Variants in PI15 observed in about 807,000 individuals in gnomAD.
PI15 encodes peptidase inhibitor 15, also known as 25 kDa trypsin inhibitor.
Under a neutral mutation model 31.0 loss-of-function variants are expected in PI15, and 18 were observed. That is an observed-to-expected ratio of 0.58 (90% confidence interval 0.40 to 0.86). The LOEUF (loss-of-function observed/expected upper bound fraction) is 0.86, where lower values mean the gene tolerates loss of function less well. PI15 is among the 40% of genes least tolerant of loss of function. PI15 has a pLI of 0.00. For missense variants in PI15, 282 were observed against 328.1 expected (o/e 0.86, Z 1.09); for synonymous variants, 118 against 119.1 (o/e 0.99, Z 0.06).
At chr8:74,839,680 T>C (rs1810917387) in intron 2 of PI15, among the ~76,000 whole-genome samples, 2 of 152,172 alleles carry the variant, frequency 1.3e-5, no homozygotes, top group African/African-American at 4.8e-5. Context: ...ATGTTGAATA[T>C]GGTTTAATAA....
rs369781921 is a variant in PI15 at position 74,825,242 on chromosome 8, C to T, written c.-8C>T. 35 of 1,611,184 alleles carry T rather than the reference C, an allele frequency of 2.2e-5. No homozygotes were observed. In the East Asian group the frequency reaches 4.2e-4, roughly 20 times the overall value. ...AACTCGGTGGCCTCTTCTTCTCCACCCCTCAAAATGATAGCAATCTCTGCC... is the reference window on the plus strand; with the variant it reads ...AACTCGGTGGCCTCTTCTTCTCCACTCCTCAAAATGATAGCAATCTCTGCC... On this transcript the variant is annotated 5_prime_UTR_variant, in exon 2 of 6. Coordinates refer to ENST00000260113, the MANE Select transcript of PI15 (RefSeq NM_015886.5).
chr8:74,841,787 T>A (rs1232779315), intron 2 of PI15, among the ~76,000 whole-genome samples: 1 of 152,172 alleles, frequency 6.6e-6, no homozygotes, highest in East Asian at 1.9e-4. Flanking sequence ...AAAAAATATT[T>A]GATAAATCAA....
intron 2 of PI15, among the ~76,000 whole-genome samples, chr8:74,839,874 G>C (rs551872273): frequency 9.2e-5 from 14 of 152,194 alleles, no homozygotes; most frequent in African/African-American, 3.1e-4. Flanking sequence ...TTATCAGATA[G>C]ATTGCCTATT....
At chr8:74,847,407 T>G (rs1047076604) in intron 5 of PI15, among the ~76,000 whole-genome samples, 3 of 150,582 alleles carry the variant, frequency 2.0e-5, no homozygotes, top group African/African-American at 7.3e-5. Flanking sequence ...ATCACGCCAT[T>G]GCACTCCAGC....
At chr8:74,832,168 A>G (rs1029734651) in intron 2 of PI15, among the ~76,000 whole-genome samples, 2 of 152,178 alleles carry the variant, frequency 1.3e-5, no homozygotes, top group Admixed American at 6.5e-5. Flanking sequence ...AGTGGTTTAC[A>G]TGATGAAGTA....
intron 2 of PI15, among the ~76,000 whole-genome samples, chr8:74,835,190 T>C (rs1352938708): frequency 6.6e-6 from 1 of 152,182 alleles, no homozygotes; most frequent in African/African-American, 2.4e-5. Flanking sequence ...AATCTTACTT[T>C]AGAATTTTTT....
chr8:74,853,525 C>G lies in PI15; in HGVS notation c.*4272C>G, dbSNP rs1422816017. 1 of 152,280 alleles carries G rather than the reference C, an allele frequency of 6.6e-6. No individual in the cohort carries two copies. Among genetic ancestry groups the G allele is most frequent in the Non-Finnish European group, 1.5e-5 (1 of 67,894 alleles). The allele number at this position is 152,280 out of a possible 1,614,324, so 9.4% of individuals were successfully genotyped here. A position where few individuals can be genotyped will look rare whatever the true frequency, so the allele number is the denominator to read the frequency against. On this transcript the variant is annotated 3_prime_UTR_variant, in exon 6 of 6. Coordinates refer to ENST00000260113, the MANE Select transcript of PI15 (RefSeq NM_015886.5). ...AATCTTTTTATAGCTTGGCAATGTC[C>G]AAAGTCAAATATCACCTAAACTGGT...
intron 2 of PI15, chr8:74,826,250 G>T: frequency 9.1e-6 from 8 of 880,040 alleles, no homozygotes; most frequent in Non-Finnish European, 1.1e-5. Context: ...ATTTTTATTT[G>T]GTTTTGAATT....
In PI15 at chr8:74,843,743, A is replaced by T. The variant is rs548518008; in HGVS notation, c.274-238A>T. Among the ~76,000 whole-genome samples, 47 of 152,218 alleles carry T rather than the reference A, an allele frequency of 3.1e-4. 1 individual carries two copies. The highest frequency in any genetic ancestry group is 5.4e-4 in the Non-Finnish European group (37 of 68,008). On this transcript the variant is annotated intron_variant, in intron 2 of 5. Transcript: ENST00000260113. ...GCTGGGCATGGTGATGTGCGCCTGT[A>T]ATCCTAGCTATTCAGGAGGCTGAGA...
At chr8:74,837,753 G>A (rs560305747) in intron 2 of PI15, among the ~76,000 whole-genome samples, 66 of 152,160 alleles carry the variant, frequency 4.3e-4, no homozygotes, top group African/African-American at 1.5e-3. Flanking sequence ...AAACGTCCAA[G>A]AAAAAATAAA....
chr8:74,849,144 A>G lies in PI15; in HGVS notation c.668A>G (p.Tyr223Cys). The G allele has an allele frequency of 6.2e-7, 1 of 1,613,156 alleles. No homozygotes were observed. The highest frequency in any genetic ancestry group is 8.5e-7 in the Non-Finnish European group (1 of 1,179,378). The change falls in exon 6 of 6, where the codon TAT becomes TGT. Residue 223 changes from tyrosine (Y) to cysteine (C), a missense_variant. By Grantham distance (194) the Tyr-to-Cys change is radical. Transcript: ENST00000260113. The stretch of plus-strand genomic sequence containing the variant: ...GGCAATTGGATTGGAGAAGCACCAT[A>G]TAAAGTAGGGGTACCATGTTCATCT... ...PKGNWIGEAP[Y>C]KVGVPCSSCP...
At chr8:74,836,360 T>C (rs1163979027) in intron 2 of PI15, among the ~76,000 whole-genome samples, 1 of 152,074 alleles carries the variant, frequency 6.6e-6, no homozygotes, top group Non-Finnish European at 1.5e-5. Context: ...AGTAGTTGAT[T>C]TGGAGGAATG....
chr8:74,833,940 C>T (rs1284574871), intron 2 of PI15, among the ~76,000 whole-genome samples: 1 of 152,174 alleles, frequency 6.6e-6, no homozygotes. Flanking sequence ...TGCCTGAGCT[C>T]CGCCTCCTGT....
chr8:74,825,489 A>G lies in PI15; in HGVS notation c.240A>G (p.Lys80=), dbSNP rs1247003722. 1.9e-6 allele frequency: 3 copies of G among 1,612,816 alleles called. No homozygotes were observed. Among genetic ancestry groups the G allele is most frequent in the East Asian group, 4.5e-5 (2 of 44,810 alleles). The part of the protein sequence containing the change: ...ILDYHNQVRG[K]VFPPAANMEY... ...ATTATCATAATCAAGTTCGGGGCAA[A>G]GTGTTCCCACCGGCAGCAAATATGG... Residue 80 remains lysine, a synonymous_variant, in exon 2 of 6, where the codon AAA becomes AAG. Transcript: ENST00000260113.
At chr8:74,836,901 C>T (rs1374291733) in intron 2 of PI15, among the ~76,000 whole-genome samples, 2 of 152,102 alleles carry the variant, frequency 1.3e-5, no homozygotes, top group Non-Finnish European at 2.9e-5. Context: ...GTGAAGACAA[C>T]TCTCTCAAGG....
intron 5 of PI15, among the ~76,000 whole-genome samples, chr8:74,847,547 C>T (rs1397546412): frequency 6.6e-6 from 1 of 151,884 alleles, no homozygotes; most frequent in Non-Finnish European, 1.5e-5. Flanking sequence ...CCCCCTTGAA[C>T]CTTTCTGAGC....
chr8:74,825,278 C>A lies in PI15; in HGVS notation c.29C>A (p.Ala10Glu). The A allele has an allele frequency of 6.2e-7, 1 of 1,613,416 alleles. No homozygotes were observed. Among genetic ancestry groups the A allele is most frequent in the Non-Finnish European group, 8.5e-7 (1 of 1,179,512 alleles). The change falls in exon 2 of 6, where the codon GCA becomes GAA. Residue 10 changes from alanine (A) to glutamate (E), a missense_variant. Ala to Glu is a moderately radical substitution (Grantham distance 107). Coordinates refer to ENST00000260113, the MANE Select transcript of PI15 (RefSeq NM_015886.5). MIAISAVSSALLFSLLCEAS... is the reference protein window; with the variant it reads MIAISAVSSELLFSLLCEAS... ...ATAGCAATCTCTGCCGTCAGCAGTG[C>A]ACTCCTGTTCTCCCTTCTCTGTGAA...
intron 5 of PI15, among the ~76,000 whole-genome samples, chr8:74,848,732 T>TATATAG (rs1191072583): frequency 4.5e-4 from 62 of 136,358 alleles, no homozygotes; most frequent in African/African-American, 1.7e-3. Flanking sequence ...TATATATATA[T>TATATAG]AGAGAGAGAG....
chr8:74,841,654 G>T (rs1026902197), intron 2 of PI15, among the ~76,000 whole-genome samples: 1 of 152,162 alleles, frequency 6.6e-6, no homozygotes, highest in Non-Finnish European at 1.5e-5. Context: ...CCTTTTAGGG[G>T]ACATAATTTG....
Sources: allele counts gnomAD v4.1 joint callset (sites outside exome capture counted in the v4.1 genomes callset), GRCh38; gene constraint gnomAD v4.1.1; transcripts MANE v1.5; gene names NCBI Gene and HGNC (gene_info 2026-07-23, HGNC 2026-07-21).